Variants in GPHN observed in about 807,000 individuals in gnomAD.
GPHN encodes gephyrin.
Under a neutral mutation model 95.5 loss-of-function variants are expected in GPHN, and 17 were observed. That is an observed-to-expected ratio of 0.18 (90% CI 0.12 to 0.27). GPHN has a LOEUF of 0.27. Ranked by LOEUF, GPHN falls within the 10% of genes least tolerant of loss-of-function variation. The pLI is 1.00. For missense variants in GPHN, 660 were observed against 978.1 expected (o/e 0.67, Z 4.34); for synonymous variants, 320 against 322.5 (o/e 0.99, Z 0.08).
chr14:66,686,907 T>C (rs1426590594), intron 2 of GPHN, among the ~76,000 whole-genome samples: 1 of 152,178 alleles, frequency 6.6e-6, no homozygotes, highest in Non-Finnish European at 1.5e-5. Flanking sequence ...TAGCTATTAT[T>C]GTTTTGAGAT....
At chr14:67,586,764 G>C in the GPHN span, 1 of 1,321,066 alleles carries the variant, frequency 7.6e-7, no homozygotes, top group Admixed American at 2.9e-5. Context: ...CTAAAGGGGA[G>C]GATCTCCAGA....
At chr14:67,614,329 A>G in the GPHN span, among the ~76,000 whole-genome samples, 1 of 152,190 alleles carries the variant, frequency 6.6e-6, no homozygotes, top group African/African-American at 2.4e-5. Flanking sequence ...CTGCCACTAC[A>G]CTGCCTTTGA....
the GPHN span, among the ~76,000 whole-genome samples, chr14:67,252,739 G>A: frequency 1.3e-5 from 2 of 152,238 alleles, no homozygotes; most frequent in Non-Finnish European, 2.9e-5. Flanking sequence ...GCTCGGAATG[G>A]CACATAGTAG....
chr14:67,600,355 T>C, the GPHN span: 1 of 611,222 alleles, frequency 1.6e-6, no homozygotes, highest in Non-Finnish European at 2.7e-6. Context: ...AGAGCTCTGC[T>C]GGGGGCTGAT....
intron 11 of GPHN, among the ~76,000 whole-genome samples, chr14:67,074,890 C>T (rs920944311): frequency 2.0e-5 from 3 of 152,144 alleles, no homozygotes; most frequent in African/African-American, 4.8e-5. Flanking sequence ...GGACAGAATA[C>T]ATCTCCATAA....
chr14:66,598,024 T>A (rs1190423101), intron 1 of GPHN, among the ~76,000 whole-genome samples: 1 of 152,134 alleles, frequency 6.6e-6, no homozygotes, highest in Non-Finnish European at 1.5e-5. Context: ...GTGAAATAAG[T>A]CAGGCACAGA....
chr14:67,446,124 G>T, the GPHN span: 1 of 489,114 alleles, frequency 2.0e-6, no homozygotes, highest in Admixed American at 2.2e-5. Flanking sequence ...ATGTGAAAAA[G>T]AAGAGGCAGG....
chr14:67,530,795 T>G, the GPHN span, among the ~76,000 whole-genome samples: 1 of 152,254 alleles, frequency 6.6e-6, no homozygotes, highest in South Asian at 2.1e-4. Flanking sequence ...TGAAGCAGGC[T>G]GTGTGACTGT....
the GPHN span, chr14:67,343,392 C>T: frequency 3.1e-6 from 5 of 1,612,106 alleles, no homozygotes; most frequent in Middle Eastern, 1.7e-4. Context: ...GGCATTTACA[C>T]GCCTGTTGGT....
intron 2 of GPHN, among the ~76,000 whole-genome samples, chr14:66,682,197 A>T (rs992615254): frequency 4.6e-5 from 7 of 152,030 alleles, no homozygotes; most frequent in Admixed American, 2.0e-4. Flanking sequence ...ACCTCTCTCC[A>T]TTTTTTTCTT....
chr14:67,387,787 G>A, the GPHN span, among the ~76,000 whole-genome samples: 1 of 152,180 alleles, frequency 6.6e-6, no homozygotes. Flanking sequence ...TTAAAAGCAA[G>A]CATAGAATTT....
intron 1 of GPHN, among the ~76,000 whole-genome samples, chr14:66,658,030 T>G (rs1391329890): frequency 2.0e-5 from 3 of 152,180 alleles, no homozygotes; most frequent in Non-Finnish European, 4.4e-5. Flanking sequence ...TAGATGCCAT[T>G]CATAACATTA....
chr14:67,577,810 G>A, the GPHN span, among the ~76,000 whole-genome samples: 1 of 152,098 alleles, frequency 6.6e-6, no homozygotes, highest in Non-Finnish European at 1.5e-5. Flanking sequence ...GTAATGTAAT[G>A]AGAACATTTT....
chr14:67,353,052 T>C, the GPHN span: 22 of 1,578,624 alleles, frequency 1.4e-5, no homozygotes, highest in East Asian at 4.7e-4. Flanking sequence ...TATATAAACA[T>C]AAACAAAGTT....
the GPHN span, among the ~76,000 whole-genome samples, chr14:67,188,761 C>T: frequency 1.3e-5 from 2 of 151,842 alleles, no homozygotes; most frequent in Admixed American, 6.6e-5. Flanking sequence ...ATACAGCCCT[C>T]GGCTCAGTTT....
the GPHN span, chr14:67,467,857 G>T: frequency 1.3e-5 from 2 of 152,172 alleles, no homozygotes; most frequent in African/African-American, 4.8e-5. Context: ...CAGAAATAAT[G>T]GTGGCCATCT....
chr14:67,359,846 C>T, the GPHN span: 11 of 822,988 alleles, frequency 1.3e-5, no homozygotes, highest in Admixed American at 2.5e-4. Context: ...GCAGGGACAC[C>T]CATTTTCACT....
chr14:67,382,444 T>C, the GPHN span: 9 of 1,609,940 alleles, frequency 5.6e-6, no homozygotes, highest in African/African-American at 1.1e-4. Flanking sequence ...CTTTCTCTTT[T>C]AGATTAATCT....
intron 4 of GPHN, among the ~76,000 whole-genome samples, chr14:66,861,805 T>C (rs2063034148): frequency 6.6e-6 from 1 of 151,850 alleles, no homozygotes; most frequent in Non-Finnish European, 1.5e-5. Flanking sequence ...TGACCAAATA[T>C]GCCAAACATA....
Sources: gnomAD v4.1 joint callset for allele counts (sites outside exome capture counted in the v4.1 genomes callset) on GRCh38, gnomAD v4.1.1 for gene constraint, MANE v1.5 for transcripts, NCBI Gene and HGNC (gene_info 2026-07-23, HGNC 2026-07-21) for gene names.